PDGFRB: variants seen among roughly 807,000 people sequenced by gnomAD.
PDGFRB encodes platelet-derived growth factor receptor beta.
A neutral mutation model predicts 120.2 loss-of-function variants in PDGFRB; 42 were observed. That is an observed-to-expected ratio of 0.35 (90% CI 0.27 to 0.45). The LOEUF (loss-of-function observed/expected upper bound fraction) is 0.45. PDGFRB is among the 20% of genes least tolerant of loss of function. PDGFRB has a pLI of 1.00. For synonymous variants in PDGFRB, 586 were observed against 606.8 expected, an observed-to-expected ratio of 0.97 and a Z score of 0.50; for missense variants, 1,149 against 1,476.3, an observed-to-expected ratio of 0.78 and a Z score of 3.63.
intron 10 of PDGFRB, among the ~76,000 whole-genome samples, chr5:150,128,533 C>T (rs1237398047): frequency 1.3e-5 from 2 of 152,354 alleles, no homozygotes; most frequent in African/African-American, 2.4e-5. Context: ...GCCACCCTTC[C>T]AGCCCCTAAG....
chr5:150,133,708 TGGTAAGGCATATCCAAGAGGAAGTCA>T lies in PDGFRB; in HGVS notation c.786_811del (p.Asp263HisfsTer28). 1 of 1,614,018 alleles carries T rather than the reference TGGTAAGGCATATCCAAGAGGAAGTCA, an allele frequency of 6.2e-7. No homozygotes were observed. The highest frequency in any genetic ancestry group is 8.5e-7 in the Non-Finnish European group (1 of 1,179,996). On this transcript the variant is annotated frameshift_variant, in exon 6 of 23. Coordinates refer to ENST00000261799, the MANE Select transcript of PDGFRB (RefSeq NM_002609.4). LOFTEE classifies it high-confidence loss of function. ...GGGGATGTGCAGGATGGAGCGGATG[TGGTAAGGCATATCCAAGAGGAAGTCA>T]GTCACCGGCTCCACCAGCCGCCCAC...
chr5:150,142,072 C>A (rs1159738281), intron 1 of PDGFRB, among the ~76,000 whole-genome samples: 1 of 152,028 alleles, frequency 6.6e-6, no homozygotes, highest in East Asian at 1.9e-4. Context: ...GTTATGGGGT[C>A]AGAGTCTTGG....
chr5:150,115,029 C>T lies in PDGFRB; in HGVS notation c.*734G>A, dbSNP rs1759882867. ...GGGTGATAAAGAAAAAGCCCCAGGA[C>T]TGATGGGCCTGAAGGACAGGGACAC... On this transcript the variant is annotated 3_prime_UTR_variant, in exon 23 of 23. Transcript: ENST00000261799. 4.3e-6 allele frequency: 1 copy of T among 233,064 alleles called. No homozygotes were observed. Among genetic ancestry groups the T allele is most frequent in the African/African-American group, 2.2e-5 (1 of 45,338 alleles). The allele number at this position is 233,064 out of a possible 1,614,324, so 14.4% of individuals were successfully genotyped here.
rs1263157409 is a variant in PDGFRB at position 150,118,803 on chromosome 5, G to A, written c.2848C>T (p.Pro950Ser). 6.2e-7 allele frequency: 1 copy of A among 1,613,714 alleles called. No individual in the cohort carries two copies. The highest frequency in any genetic ancestry group is 1.7e-5 in the Admixed American group (1 of 59,994). ...CWEEKFEIRP[P>S]FSQLVLLLER... ...AGAAGCAGCACCAGCTGGGAGAAGG[G>A]GGGCCGAATCTCAAACTTCTCTTCC... The change falls in exon 21 of 23, where the codon CCC becomes TCC. Residue 950 changes from proline (P) to serine (S), a missense_variant. Physicochemically the swap from Pro to Ser is moderately conservative, Grantham distance 74. Around this residue, in one of 3 missense-constraint regions of PDGFRB, gnomAD observed 202 missense variants for 214.3 expected, o/e 0.94. Coordinates refer to ENST00000261799, the MANE Select transcript of PDGFRB (RefSeq NM_002609.4).
At chr5:150,131,869 A>G (rs1760475367) in intron 8 of PDGFRB, 110 bp downstream of exon 8, 2 of 599,124 alleles carry the variant, frequency 3.3e-6, no homozygotes, top group Non-Finnish European at 6.0e-6. Flanking sequence ...CCTGAGTTCC[A>G]GGCTCCCTCT....
chr5:150,119,475 G>T lies in PDGFRB; in HGVS notation c.2790C>A (p.Ser930=). Reference sequence around the variant, plus strand: ...CATGAGACTCCACTCACATCTCGTCGGAGGCATGGGCAGGCTGGGCCATGC... The same window carrying T: ...CATGAGACTCCACTCACATCTCGTCTGAGGCATGGGCAGGCTGGGCCATGC... The part of the protein sequence containing the change: ...GYRMAQPAHA[S]DEIYEIMQKC... Residue 930 remains serine (S), a synonymous_variant, in exon 20 of 23, where the codon TCC becomes TCA. Coordinates refer to ENST00000261799, the MANE Select transcript of PDGFRB (RefSeq NM_002609.4). The T allele has an allele frequency of 6.3e-7, 1 of 1,586,578 alleles. No homozygotes were observed. The highest frequency in any genetic ancestry group is 1.3e-5 in the African/African-American group (1 of 74,458).
At chr5:150,130,818 T>C (rs778386700) in intron 8 of PDGFRB, among the ~76,000 whole-genome samples, 156 bp from the exon 9 acceptor site, 1 of 152,144 alleles carries the variant, frequency 6.6e-6, no homozygotes, top group Non-Finnish European at 1.5e-5. Flanking sequence ...TGAAAACCGA[T>C]GGGTTCCCTT....
rs2068120005 is a variant in PDGFRB at position 150,155,577 on chromosome 5, G to C, written c.-187C>G. The stretch of plus-strand genomic sequence containing the variant: ...AGGCTCCTGAAGGCTCAGGAGAACA[G>C]AGGGATGGAGGAAGGGGGCTGCTGT... On this transcript the variant is annotated 5_prime_UTR_variant, in exon 1 of 23. Coordinates refer to ENST00000261799, the MANE Select transcript of PDGFRB (RefSeq NM_002609.4). The C allele has an allele frequency of 2.5e-6, 1 of 398,868 alleles. No individual in the cohort carries two copies. The highest frequency in any genetic ancestry group is 3.6e-5 in the East Asian group (1 of 28,072). The allele number at this position is 398,868 out of a possible 1,614,324, so 24.7% of individuals were successfully genotyped here.
rs1191717110 is a variant in PDGFRB, at chr5:150,135,571, G to A, written c.348C>T (p.Leu116=). The A allele has an allele frequency of 6.2e-7, 1 of 1,607,204 alleles. No homozygotes were observed. The highest frequency in any genetic ancestry group is 2.2e-5 in the East Asian group (1 of 44,846). Residue 116 remains leucine, a synonymous_variant, in exon 3 of 23, where the codon CTC becomes CTT. Coordinates refer to ENST00000261799, the MANE Select transcript of PDGFRB (RefSeq NM_002609.4). ...RGLETDERKR[L]YIFVPDPTVG... ...AGCCCTTACCTGGCACAAAGATGTA[G>A]AGCCGTTTCCGCTCATCGGTCTCCA... is the stretch of plus-strand genomic sequence containing the variant.
chr5:150,123,238 G>T, intron 14 of PDGFRB, 37 bp from the exon 15 acceptor site: 1 of 1,551,946 alleles, frequency 6.4e-7, no homozygotes, highest in Non-Finnish European at 8.9e-7. Flanking sequence ...TCCCTATGGA[G>T]GCCTCAGGCG....
intron 6 of PDGFRB, 105 bp from the exon 7 acceptor site, chr5:150,133,047 C>T: frequency 1.3e-6 from 1 of 798,214 alleles, no homozygotes; most frequent in Non-Finnish European, 2.0e-6. Flanking sequence ...GGGACCGTGC[C>T]AGCCATGGAG....
intron 8 of PDGFRB, among the ~76,000 whole-genome samples, chr5:150,131,691 AG>A (rs1760471469): frequency 6.6e-6 from 1 of 152,198 alleles, no homozygotes; most frequent in South Asian, 2.1e-4. Context: ...TCGAGTTAAT[AG>A]TACAGTATAA....
intron 22 of PDGFRB, among the ~76,000 whole-genome samples, chr5:150,117,393 C>T (rs1472093624): frequency 6.6e-6 from 1 of 152,142 alleles, no homozygotes; most frequent in Non-Finnish European, 1.5e-5. Context: ...AAGTCCCAGC[C>T]CATACTTTTG....
chr5:150,133,084 C>A, intron 6 of PDGFRB, 142 bp from the exon 7 acceptor site: 1 of 649,236 alleles, frequency 1.5e-6, no homozygotes, highest in Non-Finnish European at 2.6e-6. Flanking sequence ...TGAAATTGGG[C>A]TGGGGACAGG....
At chr5:150,147,752 C>T (rs1378260096) in intron 1 of PDGFRB, among the ~76,000 whole-genome samples, 1 of 152,184 alleles carries the variant, frequency 6.6e-6, no homozygotes, top group East Asian at 1.9e-4. Flanking sequence ...TTCACTTAAC[C>T]ACCCCTCTGT....
At chr5:150,119,190 G>A (rs2113886472) in intron 20 of PDGFRB, among the ~76,000 whole-genome samples, 1 of 152,306 alleles carries the variant, frequency 6.6e-6, no homozygotes, top group Non-Finnish European at 1.5e-5. Context: ...TGGGACTTTT[G>A]CTGGCACTAT....
Position 150,130,536 on chromosome 5 carries a change from C to T in PDGFRB, c.1367+3G>A. The T allele has an allele frequency of 6.2e-7, 1 of 1,612,258 alleles. No homozygotes were observed. The highest frequency in any genetic ancestry group is 8.5e-7 in the Non-Finnish European group (1 of 1,179,454). On this transcript the variant is annotated splice_donor_region_variant and intron_variant, in intron 9 of 22. Coordinates refer to ENST00000261799, the MANE Select transcript of PDGFRB (RefSeq NM_002609.4). The stretch of plus-strand genomic sequence containing the variant: ...TGGGAGACTGAGGCCCAGGTCTGCT[C>T]ACCTTTTGAGGTCTCTGCAGGCAGA...
At chr5:150,124,530 A>G (rs1442231376) in intron 13 of PDGFRB, 170 bp from the exon 14 acceptor site, 5 of 628,628 alleles carry the variant, frequency 8.0e-6, no homozygotes, top group African/African-American at 5.5e-5. Context: ...GGGTAGGGGG[A>G]AGCAGGCCGA....
At position 150,133,747 on chromosome 5, in the gene PDGFRB, A is replaced by C. The variant is rs1580809018; in HGVS notation, c.773T>G (p.Val258Gly). 6.2e-7 allele frequency: 1 copy of C among 1,614,076 alleles called. No individual in the cohort carries two copies. Among genetic ancestry groups the C allele is most frequent in the Non-Finnish European group, 8.5e-7 (1 of 1,179,976 alleles). The change falls in exon 6 of 23, where the codon GTG becomes GGG. Residue 258 changes from valine (V) to glycine (G), a missense_variant. Val to Gly is a moderately radical substitution (Grantham distance 109). Transcript: ENST00000261799. ...TYPRKESGRLVEPVTDFLLDM... is the reference protein window; with the variant it reads ...TYPRKESGRLGEPVTDFLLDM... ...CAAGAGGAAGTCAGTCACCGGCTCCACCAGCCGCCCACTCTGCAGCAACAG... is the reference window on the plus strand; with the variant it reads ...CAAGAGGAAGTCAGTCACCGGCTCCCCCAGCCGCCCACTCTGCAGCAACAG...
Sources: gnomAD v4.1 joint callset for allele counts (sites outside exome capture counted in the v4.1 genomes callset) on GRCh38, gnomAD v4.1.1 for gene constraint, gnomAD v4.1.1 regional missense constraint, MANE v1.5 for transcripts, NCBI Gene and HGNC (gene_info 2026-07-23, HGNC 2026-07-21) for gene names.